PPARGC1A: variants seen among roughly 807,000 people sequenced by gnomAD.
The protein encoded by PPARGC1A is peroxisome proliferator-activated receptor gamma coactivator 1-alpha.
PPARGC1A carries 25 observed loss-of-function variants against 88.7 expected under a neutral mutation model. The ratio of observed to expected loss-of-function variants is 0.28; its 90% CI spans 0.21 to 0.39. The LOEUF is 0.39. Ranked by LOEUF, PPARGC1A falls within the 10% of genes least tolerant of loss-of-function variation. The pLI is 1.00. For synonymous variants in PPARGC1A, 363 were observed against 355.6 expected (o/e 1.02, Z -0.24); for missense variants, 880 against 968.7 (o/e 0.91, Z 1.22).
intron 12 of PPARGC1A, among the ~76,000 whole-genome samples, chr4:23,801,323 T>C (rs1415660837): frequency 6.6e-6 from 1 of 151,638 alleles, no homozygotes. Context: ...AGCACAATAC[T>C]ACACACATAC....
At chr4:24,468,771 TA>T in the PPARGC1A span, among the ~76,000 whole-genome samples, 2 of 152,188 alleles carry the variant, frequency 1.3e-5, no homozygotes, top group East Asian at 1.9e-4. Context: ...CCATCTTCAT[TA>T]TTTTTTTTTT....
chr4:24,339,166 T>C, the PPARGC1A span, among the ~76,000 whole-genome samples: 3 of 148,168 alleles, frequency 2.0e-5, no homozygotes, highest in Non-Finnish European at 4.5e-5. Context: ...CTATTTCCCT[T>C]AGCACACTGT....
At chr4:24,108,250 C>T in the PPARGC1A span, among the ~76,000 whole-genome samples, 7 of 152,124 alleles carry the variant, frequency 4.6e-5, no homozygotes, top group African/African-American at 1.7e-4. Context: ...CTGAGAGTAT[C>T]CAGACATCTT....
chr4:24,332,348 G>T, the PPARGC1A span, among the ~76,000 whole-genome samples: 4,350 of 152,192 alleles, frequency 0.029, 178 homozygotes, highest in African/African-American at 0.088. Context: ...GGCCAAGCAG[G>T]CTTAGTACGA....
the PPARGC1A span, among the ~76,000 whole-genome samples, chr4:24,409,039 GTGC>G: frequency 3.9e-5 from 6 of 152,132 alleles, no homozygotes; most frequent in East Asian, 1.2e-3. Flanking sequence ...GCTTGCCCAC[GTGC>G]TGCTAAGGCT....
At chr4:23,815,909 C>G (rs1560359757) in intron 7 of PPARGC1A, among the ~76,000 whole-genome samples, 1 of 152,094 alleles carries the variant, frequency 6.6e-6, no homozygotes, top group East Asian at 1.9e-4. Context: ...AAAATAAACA[C>G]AGACATACAC....
the PPARGC1A span, among the ~76,000 whole-genome samples, chr4:24,120,673 AG>A: frequency 6.6e-6 from 1 of 152,110 alleles, no homozygotes; most frequent in Non-Finnish European, 1.5e-5. Context: ...GGTCTTTGGA[AG>A]GTGATAAGGT....
intron 2 of PPARGC1A, among the ~76,000 whole-genome samples, chr4:23,867,327 T>C (rs1012076504): frequency 4.6e-5 from 7 of 152,202 alleles, no homozygotes; most frequent in African/African-American, 1.7e-4. Context: ...TAATACATCT[T>C]TGTATTATGC....
chr4:24,470,443 C>T, the PPARGC1A span, among the ~76,000 whole-genome samples: 1 of 152,112 alleles, frequency 6.6e-6, no homozygotes, highest in African/African-American at 2.4e-5. The surrounding 1 kb of genome is among the most constrained non-coding windows in gnomAD (Gnocchi z 5.8). Context: ...GGAGAGCACC[C>T]AAGGCCCGCC....
At chr4:24,136,208 G>T in the PPARGC1A span, among the ~76,000 whole-genome samples, 1 of 152,128 alleles carries the variant, frequency 6.6e-6, no homozygotes, top group Admixed American at 6.5e-5. Context: ...GATTATGAAG[G>T]GTATAGTCAA....
chr4:23,957,595 T>C, the PPARGC1A span, among the ~76,000 whole-genome samples: 3 of 152,236 alleles, frequency 2.0e-5, no homozygotes, highest in South Asian at 6.2e-4. Flanking sequence ...CCAATGTTTA[T>C]TGAGTGCCTA....
At chr4:24,375,923 C>A in the PPARGC1A span, among the ~76,000 whole-genome samples, 1 of 151,936 alleles carries the variant, frequency 6.6e-6, no homozygotes, top group African/African-American at 2.4e-5. Context: ...GCAGAACAGG[C>A]CCACAGTGAC....
chr4:24,392,029 G>A, the PPARGC1A span, among the ~76,000 whole-genome samples: 3 of 152,244 alleles, frequency 2.0e-5, no homozygotes, highest in Admixed American at 1.3e-4. Context: ...AATTCACTTT[G>A]CCAGAGCACC....
the PPARGC1A span, among the ~76,000 whole-genome samples, chr4:24,087,190 T>A: frequency 6.6e-6 from 1 of 152,206 alleles, no homozygotes; most frequent in Non-Finnish European, 1.5e-5. Flanking sequence ...CCATTGCTCC[T>A]CACTAGCCAG....
the PPARGC1A span, among the ~76,000 whole-genome samples, chr4:24,016,953 A>T: frequency 3.3e-5 from 5 of 152,264 alleles, no homozygotes; most frequent in South Asian, 1.0e-3. Context: ...GTGGAGAAGA[A>T]AGGGGGTTTC....
the PPARGC1A span, among the ~76,000 whole-genome samples, chr4:23,944,585 C>A: frequency 3.3e-5 from 5 of 152,268 alleles, 1 homozygote; most frequent in East Asian, 9.7e-4. Context: ...GTTTCCCTAC[C>A]CAAATTTCAT....
chr4:24,253,736 T>C, the PPARGC1A span, among the ~76,000 whole-genome samples: 1 of 56,428 alleles, frequency 1.8e-5, no homozygotes, highest in Admixed American at 1.4e-4. Context: ...CTCACTTGCC[T>C]AGTGCCAGCC....
chr4:24,170,253 C>T, the PPARGC1A span, among the ~76,000 whole-genome samples: 1 of 152,152 alleles, frequency 6.6e-6, no homozygotes, highest in East Asian at 1.9e-4. Context: ...GAGGCAACAA[C>T]TTCAGCTCAA....
chr4:23,954,418 AT>A, the PPARGC1A span, among the ~76,000 whole-genome samples: 1 of 152,072 alleles, frequency 6.6e-6, no homozygotes, highest in Non-Finnish European at 1.5e-5. Context: ...TAAATGCAAT[AT>A]ATACTCTCTT....
Sources: allele counts gnomAD v4.1 joint callset (sites outside exome capture counted in the v4.1 genomes callset), GRCh38; gene constraint gnomAD v4.1.1; non-coding constraint Gnocchi (gnomAD v3.1); transcripts MANE v1.5; gene names NCBI Gene and HGNC (gene_info 2026-07-23, HGNC 2026-07-21).